The following PDGFD variants were observed in gnomAD, a reference collection of about 807,000 sequenced individuals.
PDGFD encodes the protein platelet-derived growth factor D.
PDGFD carries 30 observed loss-of-function variants against 44.7 expected under a neutral mutation model. The ratio of observed to expected loss-of-function variants is 0.67; its 90% CI spans 0.50 to 0.91. The LOEUF is 0.91. PDGFD is among the 40% of genes least tolerant of loss of function. The pLI, the probability that PDGFD is intolerant of heterozygous loss-of-function variation, is 0.00. For missense variants in PDGFD, 445 were observed against 457.8 expected, an observed-to-expected ratio of 0.97 and a Z score of 0.25; for synonymous variants, 173 against 168.4, an observed-to-expected ratio of 1.03 and a Z score of -0.21.
chr11:103,972,154 T>C (rs573027964), intron 3 of PDGFD, among the ~76,000 whole-genome samples: 3 of 152,320 alleles, frequency 2.0e-5, no homozygotes, highest in South Asian at 2.1e-4. Context: ...GGAGGTTTTC[T>C]CAAACTCAGC....
In PDGFD at chr11:103,907,697, G is replaced by A. The variant is rs1857957626; in HGVS notation, c.*1997C>T. On this transcript the variant is annotated 3_prime_UTR_variant, in exon 7 of 7. Coordinates refer to ENST00000393158, the MANE Select transcript of PDGFD (RefSeq NM_025208.5). ...CATTTTTTATATTTACAGCTACATT[G>A]TGAGCTGTTCAGGTTAGAGTGATGT... is the stretch of plus-strand genomic sequence containing the variant. The A allele has an allele frequency of 6.6e-6, 1 of 152,142 alleles. No homozygotes were observed. The highest frequency in any genetic ancestry group is 1.5e-5 in the Non-Finnish European group (1 of 68,030). 9.4% of individuals were successfully genotyped at this position (152,142 alleles called of 1,614,324 possible). A position where few individuals can be genotyped will look rare whatever the true frequency, so the allele number is the denominator to read the frequency against.
chr11:104,097,267 G>C (rs1861301437), intron 1 of PDGFD, among the ~76,000 whole-genome samples: 1 of 152,114 alleles, frequency 6.6e-6, no homozygotes, highest in African/African-American at 2.4e-5. Context: ...ATTTATTAGG[G>C]TGTTCATATA....
At chr11:104,064,648 G>C (rs1860762235) in intron 1 of PDGFD, among the ~76,000 whole-genome samples, 5 of 151,998 alleles carry the variant, frequency 3.3e-5, no homozygotes, top group Admixed American at 3.3e-4. Context: ...GAGGAAGGAA[G>C]GGAGACCAAA....
chr11:103,990,728 C>A (rs533535890), intron 3 of PDGFD, among the ~76,000 whole-genome samples: 1 of 152,190 alleles, frequency 6.6e-6, no homozygotes, highest in Admixed American at 6.5e-5. Context: ...ACTGTCCTCA[C>A]TCTGACAGTC....
intron 1 of PDGFD, among the ~76,000 whole-genome samples, chr11:104,056,117 T>G (rs1287912807): frequency 6.6e-6 from 1 of 152,164 alleles, no homozygotes; most frequent in Non-Finnish European, 1.5e-5. Context: ...TAAAGTTTTC[T>G]AAAAATGTAG....
intron 5 of PDGFD, among the ~76,000 whole-genome samples, chr11:103,927,667 T>C (rs1032254846): frequency 6.6e-5 from 10 of 152,192 alleles, no homozygotes; most frequent in African/African-American, 2.4e-4. Context: ...AATCAACATG[T>C]TAGAGAAAAT....
chr11:104,138,436 AT>A (rs1482518189), intron 1 of PDGFD, among the ~76,000 whole-genome samples: 1 of 152,192 alleles, frequency 6.6e-6, no homozygotes, highest in Non-Finnish European at 1.5e-5. Context: ...AAAATGTATG[AT>A]TCTCCATTCA....
At chr11:103,955,881 C>T (rs2134332507) in intron 3 of PDGFD, among the ~76,000 whole-genome samples, 1 of 152,078 alleles carries the variant, frequency 6.6e-6, no homozygotes, top group East Asian at 1.9e-4. Context: ...TTTCATTTAT[C>T]ATTATTGACA....
intron 5 of PDGFD, among the ~76,000 whole-genome samples, chr11:103,939,775 A>T (rs1565289874): frequency 6.6e-6 from 1 of 152,104 alleles, no homozygotes; most frequent in Non-Finnish European, 1.5e-5. Context: ...ATTTTTAAAA[A>T]ATTAACTTCT....
At chr11:103,913,574 A>G (rs188539678) in intron 6 of PDGFD, among the ~76,000 whole-genome samples, 1 of 152,360 alleles carries the variant, frequency 6.6e-6, no homozygotes, top group African/African-American at 2.4e-5. Flanking sequence ...AGACACCTTA[A>G]CATCACAATT....
chr11:104,116,983 G>C (rs561815117), intron 1 of PDGFD, among the ~76,000 whole-genome samples: 20 of 151,826 alleles, frequency 1.3e-4, no homozygotes, highest in Non-Finnish European at 7.4e-5. Context: ...TCCCAGTCTC[G>C]AGTATGTCTT....
chr11:104,089,882 G>A (rs1861185676), intron 1 of PDGFD, among the ~76,000 whole-genome samples: 1 of 152,128 alleles, frequency 6.6e-6, no homozygotes, highest in Non-Finnish European at 1.5e-5. Context: ...AGCACAAATT[G>A]TATAGATTCT....
Position 104,145,122 on chromosome 11 carries a change from C to T in PDGFD, c.124+18682G>A, listed in dbSNP as rs550139642. Among the ~76,000 whole-genome samples the T allele has an allele frequency of 9.9e-5, 15 of 152,224 alleles. No homozygotes were observed. The East Asian group carries it at 2.7e-3, about 27-fold the overall frequency. On this transcript the variant is annotated intron_variant, in intron 1 of 6. Transcript: ENST00000393158. ...GTTATTGTTATTTAATCTCTGAGTA[C>T]TGAGAGGGGTTGAGTAATCCCTACA...
rs545326084 is a variant in PDGFD at position 103,921,096 on chromosome 11, C to T, written c.987+5816G>A. On this transcript the variant is annotated intron_variant, in intron 6 of 6. Transcript: ENST00000393158. The stretch of plus-strand genomic sequence containing the variant: ...GCAAAGCTGGAACCAGAACCCACAT[C>T]TTTTCTAGTCCTGCAAGTTTTCTGC... 9.4e-4 allele frequency among the ~76,000 whole-genome samples: 143 copies of T among 152,266 alleles called. 2 individuals are homozygous for T. In the Middle Eastern group the frequency reaches 0.01, roughly 11 times the overall value.
chr11:103,916,983 T>G (rs565112426), intron 6 of PDGFD, among the ~76,000 whole-genome samples: 1 of 152,158 alleles, frequency 6.6e-6, no homozygotes, highest in African/African-American at 2.4e-5. Flanking sequence ...AAATACCTAA[T>G]GTAGATGACG....
At chr11:104,090,811 G>A (rs1247323267) in intron 1 of PDGFD, among the ~76,000 whole-genome samples, 2 of 152,084 alleles carry the variant, frequency 1.3e-5, no homozygotes, top group African/African-American at 4.8e-5. Flanking sequence ...GGCAGGTCCA[G>A]CAGCTAAGTG....
At chr11:104,113,239 C>T (rs914947714) in intron 1 of PDGFD, among the ~76,000 whole-genome samples, 2 of 152,070 alleles carry the variant, frequency 1.3e-5, no homozygotes, top group African/African-American at 4.8e-5. Context: ...TGATTGAACA[C>T]CTCTTTTTAG....
rs918716417 is a variant in PDGFD, at chr11:104,134,753, G to A, written c.124+29051C>T. ...GTTTATTCAGGTCTCAGGAGGGGCT[G>A]AAGCCTACACCTCAAACTCTGAAGC... On this transcript the variant is annotated intron_variant, in intron 1 of 6. Transcript: ENST00000393158. 2.6e-5 allele frequency among the ~76,000 whole-genome samples: 4 copies of A among 152,198 alleles called. No homozygotes were observed. In the East Asian group the frequency reaches 7.7e-4, roughly 29 times the overall value.
chr11:104,162,169 G>A (rs1862400792), intron 1 of PDGFD, among the ~76,000 whole-genome samples: 1 of 151,246 alleles, frequency 6.6e-6, no homozygotes, highest in Non-Finnish European at 1.5e-5. Flanking sequence ...AAAACCTGCT[G>A]AGCTACATAA....
Sources: gnomAD v4.1 joint callset for allele counts (sites outside exome capture counted in the v4.1 genomes callset) on GRCh38, gnomAD v4.1.1 for gene constraint, MANE v1.5 for transcripts, NCBI Gene and HGNC (gene_info 2026-07-23, HGNC 2026-07-21) for gene names.